Variants in TCTN2 observed in about 807,000 individuals in gnomAD.
TCTN2 encodes the protein tectonic family member 2.
In TCTN2, 66 loss-of-function variants were observed where a neutral mutation model predicts 83.4. The ratio of observed to expected loss-of-function variants is 0.79; its 90% CI spans 0.65 to 0.97. The LOEUF is 0.97. Ranked by LOEUF, TCTN2 falls within the 50% of genes least tolerant of loss-of-function variation. TCTN2 has a pLI of 0.00. For synonymous variants in TCTN2, 301 were observed against 326.7 expected, an observed-to-expected ratio of 0.92 and a Z score of 0.85; for missense variants, 794 against 858.1, an observed-to-expected ratio of 0.93 and a Z score of 0.93.
chr12:123,697,318 A>C (rs1956121905), intron 13 of TCTN2, 120 bp downstream of exon 13: 3 of 776,922 alleles, frequency 3.9e-6, no homozygotes, highest in Non-Finnish European at 6.9e-6. Context: ...AATGTGTAAA[A>C]GTGATAATAA....
rs777173825 is a variant in TCTN2, at chr12:123,686,862, G to A, written c.591G>A (p.Leu197=). The A allele has an allele frequency of 1.4e-5, 22 of 1,614,068 alleles. No individual in the cohort carries two copies. Among genetic ancestry groups the A allele is most frequent in the Non-Finnish European group, 1.7e-5 (20 of 1,180,056 alleles). The change falls in exon 6 of 18, where the codon CTG becomes CTA. Residue 197 remains leucine (L), a synonymous_variant. Coordinates refer to ENST00000303372, the MANE Select transcript of TCTN2 (RefSeq NM_024809.5). ...AATGCTCATCAAATTTAACAACGCT[G>A]TTCAGACGGTCCTGCTTCACCGGCG... The part of the protein sequence containing the change: ...DQECSSNLTT[L]FRRSCFTGVF...
intron 2 of TCTN2, 62 bp downstream of exon 2, chr12:123,671,676 G>T (rs1955754586): frequency 6.7e-7 from 1 of 1,491,268 alleles, no homozygotes; most frequent in African/African-American, 1.4e-5. Context: ...CTCCCAAGGA[G>T]CCTGGAGAGG....
At chr12:123,676,481 T>A (rs1955822400) in intron 4 of TCTN2, among the ~76,000 whole-genome samples, 1 of 139,998 alleles carries the variant, frequency 7.1e-6, no homozygotes, top group South Asian at 2.2e-4. Flanking sequence ...GGCAGGAGAA[T>A]GGCGTGAACT....
intron 9 of TCTN2, 87 bp from the exon 10 acceptor site, chr12:123,694,755 A>C: frequency 4.2e-4 from 548 of 1,311,772 alleles, no homozygotes; most frequent in Non-Finnish European, 5.2e-4. Context: ...CACTTGGGGA[A>C]GGCCACGCAA....
intron 5 of TCTN2, among the ~76,000 whole-genome samples, chr12:123,685,206 C>T (rs2135831800): frequency 6.6e-6 from 1 of 152,216 alleles, no homozygotes; most frequent in Middle Eastern, 3.4e-3. Flanking sequence ...GTACCAGCCC[C>T]TGACGTCCTT....
chr12:123,707,573 C>T (rs895233646), intron 17 of TCTN2, 31 bp from the exon 18 acceptor site: 2 of 1,577,698 alleles, frequency 1.3e-6, no homozygotes, highest in Non-Finnish European at 1.7e-6. Context: ...TTAAGAAATA[C>T]TGCTGTTGAA....
Position 123,707,611 on chromosome 12 carries a change from G to C in TCTN2, c.1992G>C (p.Leu664=). ...YPWTQYYQGE[L]HSQCVAKGLL... is the part of the protein sequence containing the mutation. ...TTGTCCATTGTTTTTCAGGGGAGCT[G>C]CATTCTCAGTGTGTTGCTAAGGGCT... Residue 664 remains leucine, a synonymous_variant, in exon 18 of 18, where the codon CTG becomes CTC. Coordinates refer to ENST00000303372, the MANE Select transcript of TCTN2 (RefSeq NM_024809.5). The C allele has an allele frequency of 6.2e-7, 1 of 1,614,020 alleles. No homozygotes were observed. Among genetic ancestry groups the C allele is most frequent in the Non-Finnish European group, 8.5e-7 (1 of 1,179,888 alleles).
chr12:123,674,395 C>T (rs538709058), intron 4 of TCTN2, among the ~76,000 whole-genome samples: 1 of 151,994 alleles, frequency 6.6e-6, no homozygotes, highest in Admixed American at 6.6e-5. Context: ...CTCAGCCTCC[C>T]GAGTAGCTGG....
chr12:123,705,859 C>A (rs535824543), intron 15 of TCTN2, among the ~76,000 whole-genome samples: 1 of 151,190 alleles, frequency 6.6e-6, no homozygotes, highest in South Asian at 2.1e-4. Flanking sequence ...CGGGTTCAAG[C>A]GATTCTCCTG....
Position 123,695,200 on chromosome 12 carries a change from T to A in TCTN2, c.1235-20T>A, listed in dbSNP as rs773929370. On this transcript the variant is annotated intron_variant, in intron 10 of 17. Transcript: ENST00000303372. ...CTAGTGAAATGGTGCACATTATATT[T>A]TATTTTGTTTTATTTCTAGGGATAA... The A allele has an allele frequency of 1.1e-5, 17 of 1,499,388 alleles. No homozygotes were observed. The East Asian group carries it at 2.9e-4, about 26-fold the overall frequency. The allele number at this position is 1,499,388 out of a possible 1,614,324, so 92.9% of individuals were successfully genotyped here.
chr12:123,685,718 C>CTTTT (rs3071665), intron 5 of TCTN2, among the ~76,000 whole-genome samples: 2 of 109,450 alleles, frequency 1.8e-5, no homozygotes, highest in Non-Finnish European at 3.6e-5. Flanking sequence ...TGCGCCCGGT[C>CTTTT]TTTTTTTTTT....
chr12:123,683,919 G>A (rs762314234), intron 5 of TCTN2, among the ~76,000 whole-genome samples: 7 of 152,166 alleles, frequency 4.6e-5, no homozygotes, highest in South Asian at 2.1e-4. Context: ...GATCACAGGC[G>A]TGAGCCACTG....
rs1357163759 is a variant in TCTN2 at position 123,690,684 on chromosome 12, A to C, written c.1033+10A>C. 1 of 1,613,992 alleles carries C rather than the reference A, an allele frequency of 6.2e-7. No individual in the cohort carries two copies. Among genetic ancestry groups the C allele is most frequent in the Non-Finnish European group, 8.5e-7 (1 of 1,179,998 alleles). ...AATGTTGCCTTAGGAGGTATGTTAC[A>C]TTTCTTTGAAAAAAGAACACAGGCC... On this transcript the variant is annotated intron_variant, in intron 8 of 17. Coordinates refer to ENST00000303372, the MANE Select transcript of TCTN2 (RefSeq NM_024809.5).
At chr12:123,706,931 A>G (rs1032612802) in intron 16 of TCTN2, 54 bp from the exon 17 acceptor site, 1 of 1,613,576 alleles carries the variant, frequency 6.2e-7, no homozygotes, top group Non-Finnish European at 8.5e-7. Flanking sequence ...TCCTTTAATC[A>G]AGTTCTGATA....
At chr12:123,672,742 CTG>C (rs1955771603) in intron 3 of TCTN2, among the ~76,000 whole-genome samples, 1 of 151,552 alleles carries the variant, frequency 6.6e-6, no homozygotes, top group Non-Finnish European at 1.5e-5. Flanking sequence ...GAGCAAGACC[CTG>C]TCTCTTAAAA....
At position 123,686,776 on chromosome 12, in the gene TCTN2, T is replaced by C. The variant is rs7297576; in HGVS notation, c.565-60T>C. 609,333 of 1,547,664 alleles carry C rather than the reference T, an allele frequency of 0.39. 125,517 individuals are homozygous for C. The highest frequency in any genetic ancestry group is 0.56 in the African/African-American group (41,541 of 73,558). ...GCCTTAAATAAGAGTTAGCATTCGC[T>C]ACGCTTGCCAGGAGATCCTGACCAC... On this transcript the variant is annotated intron_variant, in intron 5 of 17. Coordinates refer to ENST00000303372, the MANE Select transcript of TCTN2 (RefSeq NM_024809.5).
Position 123,671,208 on chromosome 12 carries a change from G to T in TCTN2, c.-33G>T. 2.5e-6 allele frequency: 4 copies of T among 1,599,728 alleles called. No individual in the cohort carries two copies. Among genetic ancestry groups the T allele is most frequent in the Non-Finnish European group, 3.4e-6 (4 of 1,173,444 alleles). On this transcript the variant is annotated 5_prime_UTR_variant, in exon 1 of 18. Coordinates refer to ENST00000303372, the MANE Select transcript of TCTN2 (RefSeq NM_024809.5). ...CTTCCTGGGTTCTAATGAGGGCGCGGTTCTGCTGTGCCCGGCCCGCGAGGT... is the reference window on the plus strand; with the variant it reads ...CTTCCTGGGTTCTAATGAGGGCGCGTTTCTGCTGTGCCCGGCCCGCGAGGT...
At position 123,686,604 on chromosome 12, in the gene TCTN2, C is replaced by T. The variant is rs7308862; in HGVS notation, c.565-232C>T. Among the ~76,000 whole-genome samples, 63,498 of 152,064 alleles carry T rather than the reference C, an allele frequency of 0.42. 14,208 individuals carry two copies. Among genetic ancestry groups the T allele is most frequent in the African/African-American group, 0.56 (23,190 of 41,496 alleles). ...TGTCCTTGGTAAAACTGTGGTTCCC[C>T]TGAATGCTTGGAGTTTCTGACTTGA... On this transcript the variant is annotated intron_variant, in intron 5 of 17. Coordinates refer to ENST00000303372, the MANE Select transcript of TCTN2 (RefSeq NM_024809.5).
At chr12:123,685,915 G>A (rs979634594) in intron 5 of TCTN2, among the ~76,000 whole-genome samples, 3 of 148,962 alleles carry the variant, frequency 2.0e-5, no homozygotes, top group Non-Finnish European at 4.4e-5. Flanking sequence ...TAATTTTGTC[G>A]GGGCTGAGTC....
Sources: allele counts gnomAD v4.1 joint callset (sites outside exome capture counted in the v4.1 genomes callset), GRCh38; gene constraint gnomAD v4.1.1; transcripts MANE v1.5; gene names NCBI Gene and HGNC (gene_info 2026-07-23, HGNC 2026-07-21).